Variants in KLF4 observed in about 807,000 individuals in gnomAD.
KLF4 encodes Krueppel-like factor 4.
In KLF4, 14 loss-of-function variants were observed where a neutral mutation model predicts 38.0. That is an observed-to-expected ratio of 0.37 (90% confidence interval 0.24 to 0.58). KLF4 has a LOEUF of 0.58. Among genes scored for constraint, KLF4 ranks in the 20% least tolerant of loss-of-function variants. KLF4 has a pLI of 0.76. For synonymous variants in KLF4, 398 were observed against 302.5 expected (o/e 1.32, Z -3.28); for missense variants, 737 against 670.1 (o/e 1.10, Z -1.10).
rs767728242 is a variant in KLF4, at chr9:107,487,350, G to A, written c.1044C>T (p.Tyr348=). Residue 348 remains tyrosine, a synonymous_variant, in exon 3 of 5, where the codon TAC becomes TAT. Coordinates refer to ENST00000374672, the MANE Select transcript of KLF4 (RefSeq NM_004235.6). The surrounding 1 kb of genome is among the most constrained non-coding windows in gnomAD (Gnocchi z 6.1). ...GCATCTGATCGGGCAGGAAGGATGG[G>A]TAATTGGGCCCCGGGTGGGGATGGA... ...PGFHPHPGPN[Y]PSFLPDQMQP... The A allele has an allele frequency of 4.5e-6, 7 of 1,550,198 alleles. No homozygotes were observed. In the South Asian group the frequency reaches 7.5e-5, roughly 17 times the overall value.
rs2133191325 is a variant in KLF4, at chr9:107,489,594, T to G, written c.-422A>C. 1 of 173,582 alleles carries G rather than the reference T, an allele frequency of 5.8e-6. No individual in the cohort carries two copies. Among genetic ancestry groups the G allele is most frequent in the Non-Finnish European group, 1.1e-5 (1 of 93,562 alleles). The allele number at this position is 173,582 out of a possible 1,614,324, so 10.8% of individuals were successfully genotyped here. A position where few individuals can be genotyped will look rare whatever the true frequency, so the allele number is the denominator to read the frequency against. ...CGGCGGCGCAAGGCGCGGACTCCGG[T>G]GAGTTGTGTGGAGCGCGCGCGGCCA... is the stretch of plus-strand genomic sequence containing the variant. On this transcript the variant is annotated 5_prime_UTR_variant, in exon 1 of 5. Coordinates refer to ENST00000374672, the MANE Select transcript of KLF4 (RefSeq NM_004235.6).
rs1216928364 is a variant in KLF4, at chr9:107,488,741, G to T, written c.126+189C>A. Among the ~76,000 whole-genome samples the T allele has an allele frequency of 6.6e-6, 1 of 152,218 alleles. No individual in the cohort carries two copies. The highest frequency in any genetic ancestry group is 1.5e-5 in the Non-Finnish European group (1 of 68,036). Reference sequence around the variant, plus strand: ...GGCTTGCGCCCCAGGCGGCTCCGCAGTGCTCGCACCACGGGCATACACAGC... The same window carrying T: ...GGCTTGCGCCCCAGGCGGCTCCGCATTGCTCGCACCACGGGCATACACAGC... On this transcript the variant is annotated intron_variant, in intron 2 of 4. Transcript: ENST00000374672. This position sits in a 1 kb window ranked among gnomAD's most constrained non-coding sequence, Gnocchi z 5.7.
At position 107,488,920 on chromosome 9, in the gene KLF4, C is replaced by G; in HGVS notation, c.126+10G>C. ...ACCGGGCGTTCCCGGCGGCCCGGAG[C>G]GATACTCACGTTATTCGGGGCACCT... On this transcript the variant is annotated intron_variant, in intron 2 of 4. Transcript: ENST00000374672. This position sits in a 1 kb window ranked among gnomAD's most constrained non-coding sequence, Gnocchi z 5.7. The G allele has an allele frequency of 6.4e-7, 1 of 1,550,838 alleles. No homozygotes were observed. Among genetic ancestry groups the G allele is most frequent in the Non-Finnish European group, 8.7e-7 (1 of 1,146,664 alleles).
chr9:107,489,493 G>A lies in KLF4; in HGVS notation c.-321C>T. 2.9e-6 allele frequency: 1 copy of A among 342,882 alleles called. No individual in the cohort carries two copies. The highest frequency in any genetic ancestry group is 5.2e-6 in the Non-Finnish European group (1 of 190,964). The allele number at this position is 342,882 out of a possible 1,614,324, so 21.2% of individuals were successfully genotyped here. On this transcript the variant is annotated 5_prime_UTR_variant, in exon 1 of 5. Coordinates refer to ENST00000374672, the MANE Select transcript of KLF4 (RefSeq NM_004235.6). Reference sequence around the variant, plus strand: ...GCCTCGAGTGCTGCCGTGGGCGCAGGGGCTGTGGCCGGGGCGGTGGGCGGG... The same window carrying A: ...GCCTCGAGTGCTGCCGTGGGCGCAGAGGCTGTGGCCGGGGCGGTGGGCGGG...
chr9:107,489,164 C>G lies in KLF4; in HGVS notation c.5+4G>C, dbSNP rs929825033. 2 of 1,528,048 alleles carry G rather than the reference C, an allele frequency of 1.3e-6. No individual in the cohort carries two copies. Among genetic ancestry groups the G allele is most frequent in the African/African-American group, 1.4e-5 (1 of 72,620 alleles). The allele number at this position is 1,528,048 out of a possible 1,614,324, so 94.7% of individuals were successfully genotyped here. ...CTGCTCCCAGCGCCGCGCGCCTCAC[C>G]TACCTCATTAATGTGGGGGCCCAGA... On this transcript the variant is annotated splice_donor_region_variant and intron_variant, in intron 1 of 4. Coordinates refer to ENST00000374672, the MANE Select transcript of KLF4 (RefSeq NM_004235.6).
Position 107,489,160 on chromosome 9 carries a change from T to A in KLF4, c.5+8A>T. The stretch of plus-strand genomic sequence containing the variant: ...CTCCCTGCTCCCAGCGCCGCGCGCC[T>A]CACCTACCTCATTAATGTGGGGGCC... On this transcript the variant is annotated splice_region_variant and intron_variant, in intron 1 of 4. Transcript: ENST00000374672. 6.5e-7 allele frequency: 1 copy of A among 1,527,150 alleles called. No individual in the cohort carries two copies. The highest frequency in any genetic ancestry group is 8.8e-7 in the Non-Finnish European group (1 of 1,133,864). The allele number at this position is 1,527,150 out of a possible 1,614,324, so 94.6% of individuals were successfully genotyped here.
chr9:107,487,390 G>A lies in KLF4; in HGVS notation c.1004C>T (p.Pro335Leu), dbSNP rs959152350. 2.0e-6 allele frequency: 3 copies of A among 1,530,122 alleles called. No homozygotes were observed. Among genetic ancestry groups the A allele is most frequent in the South Asian group, 1.3e-5 (1 of 77,272 alleles). The allele number at this position is 1,530,122 out of a possible 1,614,324, so 94.8% of individuals were successfully genotyped here. A position where few individuals can be genotyped will look rare whatever the true frequency, so the allele number is the denominator to read the frequency against. ...LSSRDCHPAL[P>L]LPPGFHPHPG... ...GTGGGGATGGAAGCCGGGAGGAAGC[G>A]GCAGGGCAGGGTGACAGTCCCTGCT... Residue 335 changes from proline to leucine, a missense_variant, in exon 3 of 5, where the codon CCG becomes CTG. Around this residue, in one of 2 missense-constraint regions of KLF4, gnomAD observed 695 missense variants for 554.5 expected, o/e 1.25. Coordinates refer to ENST00000374672, the MANE Select transcript of KLF4 (RefSeq NM_004235.6). The surrounding 1 kb of genome is among the most constrained non-coding windows in gnomAD (Gnocchi z 6.1).
At position 107,488,520 on chromosome 9, in the gene KLF4, T is replaced by G. The variant is rs1587922701; in HGVS notation, c.127-253A>C. 1 of 574,946 alleles carries G rather than the reference T, an allele frequency of 1.7e-6. No individual in the cohort carries two copies. Among genetic ancestry groups the G allele is most frequent in the Non-Finnish European group, 2.9e-6 (1 of 345,898 alleles). 35.6% of individuals were successfully genotyped at this position (574,946 alleles called of 1,614,324 possible). A position where few individuals can be genotyped will look rare whatever the true frequency, so the allele number is the denominator to read the frequency against. On this transcript the variant is annotated intron_variant, in intron 2 of 4. Coordinates refer to ENST00000374672, the MANE Select transcript of KLF4 (RefSeq NM_004235.6). This position sits in a 1 kb window ranked among gnomAD's most constrained non-coding sequence, Gnocchi z 5.7. ...GCGTGTGAGCGAGCGCCGCGGCTGG[T>G]CCCTCCCCCTCCAGGTCCCGTGGAC... is the stretch of plus-strand genomic sequence containing the variant.
intron 1 of KLF4, 24 bp downstream of exon 1, chr9:107,489,144 C>A: frequency 6.5e-7 from 1 of 1,534,990 alleles, no homozygotes; most frequent in Non-Finnish European, 8.8e-7. Flanking sequence ...CCTCCCTGCT[C>A]CCAGCGCCGC....
In KLF4 at chr9:107,488,998, A is replaced by C. The variant is rs1740766595; in HGVS notation, c.58T>G (p.Phe20Val). ...GCCGGGCCAGACGCGAACGTGGAGAAAGATGGGAGCAGCGCGTCGCTGACA... is the reference window on the plus strand; with the variant it reads ...GCCGGGCCAGACGCGAACGTGGAGACAGATGGGAGCAGCGCGTCGCTGACA... ...MAVSDALLPS[F>V]STFASGPAGR... Residue 20 changes from phenylalanine to valine, a missense_variant, in exon 2 of 5, where the codon TTC (phenylalanine) becomes GTC (valine). Physicochemically the swap from Phe to Val is conservative, Grantham distance 50. Coordinates refer to ENST00000374672, the MANE Select transcript of KLF4 (RefSeq NM_004235.6). This position sits in a 1 kb window ranked among gnomAD's most constrained non-coding sequence, Gnocchi z 5.7. The C allele has an allele frequency of 6.4e-7, 1 of 1,567,722 alleles. No individual in the cohort carries two copies.
chr9:107,487,669 T>C lies in KLF4; in HGVS notation c.725A>G (p.Tyr242Cys), dbSNP rs2133188517. 6.3e-7 allele frequency: 1 copy of C among 1,592,268 alleles called. No individual in the cohort carries two copies. The highest frequency in any genetic ancestry group is 8.6e-7 in the Non-Finnish European group (1 of 1,167,108). Reference protein sequence around the residue: ...KASLSAPGSEYGSPSVISVSK... With the variant: ...KASLSAPGSECGSPSVISVSK... ...GACGCTGATGACCGACGGGCTGCCG[T>C]ACTCGCTGCCAGGGGCGCTCAGCGA... Residue 242 changes from tyrosine (Y) to cysteine (C), a missense_variant, in exon 3 of 5, where the codon TAC becomes TGC. Physicochemically the swap from Tyr to Cys is radical, Grantham distance 194 (BLOSUM62 -2). Transcript: ENST00000374672. This position sits in a 1 kb window ranked among gnomAD's most constrained non-coding sequence, Gnocchi z 6.1.
In KLF4 at chr9:107,487,520, G is replaced by A. The variant is rs1337270879; in HGVS notation, c.874C>T (p.Pro292Ser). ...GGCCGGTGGCCATTGCTGAGAGGGG[G>A]TCCAGCGCCCAAGTGGGTGCACGAA... ...VSSCTHLGAG[P>S]PLSNGHRPAA... The change falls in exon 3 of 5, where the codon CCC becomes TCC. Residue 292 changes from proline to serine, a missense_variant. By Grantham distance (74) the Pro-to-Ser change is moderately conservative. Coordinates refer to ENST00000374672, the MANE Select transcript of KLF4 (RefSeq NM_004235.6). The surrounding 1 kb of genome is among the most constrained non-coding windows in gnomAD (Gnocchi z 6.1). 5.8e-6 allele frequency: 9 copies of A among 1,550,022 alleles called. No homozygotes were observed. Among genetic ancestry groups the A allele is most frequent in the Non-Finnish European group, 6.1e-6 (7 of 1,149,358 alleles).
rs1334486956 is a variant in KLF4, at chr9:107,489,412, G to T, written c.-240C>A. The stretch of plus-strand genomic sequence containing the variant: ...ATCAGCAAGGCGAGTAAGTAGGTCC[G>T]GTGGCCGGGCTGCGCTCTCTTCCAC... On this transcript the variant is annotated 5_prime_UTR_variant, in exon 1 of 5. Transcript: ENST00000374672. The T allele has an allele frequency of 1.5e-5, 7 of 481,032 alleles. No homozygotes were observed. The highest frequency in any genetic ancestry group is 2.5e-5 in the Non-Finnish European group (7 of 281,940). The allele number at this position is 481,032 out of a possible 1,614,324, so 29.8% of individuals were successfully genotyped here.
rs1219923638 is a variant in KLF4 at position 107,488,165 on chromosome 9, C to G, written c.229G>C (p.Gly77Arg). 4 of 1,612,696 alleles carry G rather than the reference C, an allele frequency of 2.5e-6. No homozygotes were observed. Among genetic ancestry groups the G allele is most frequent in the South Asian group, 1.1e-5 (1 of 91,080 alleles). The change falls in exon 3 of 5, where the codon GGC becomes CGC. Residue 77 changes from glycine to arginine, a missense_variant. Physicochemically the swap from Gly to Arg is moderately radical, Grantham distance 125. Coordinates refer to ENST00000374672, the MANE Select transcript of KLF4 (RefSeq NM_004235.6). This position sits in a 1 kb window ranked among gnomAD's most constrained non-coding sequence, Gnocchi z 5.7. ...AATVATDLES[G>R]GAGAACGGSN... ...CCGCCGCAAGCCGCACCGGCTCCGC[C>G]GCTCTCCAGGTCTGTGGCCACGGTC... is the stretch of plus-strand genomic sequence containing the variant.
Position 107,489,691 on chromosome 9 carries a change from G to C in KLF4, c.-519C>G, listed in dbSNP as rs1288927304. The C allele has an allele frequency of 4.8e-6, 1 of 209,214 alleles. No individual in the cohort carries two copies. Among genetic ancestry groups the C allele is most frequent in the Non-Finnish European group, 9.7e-6 (1 of 102,830 alleles). The allele number at this position is 209,214 out of a possible 1,614,324, so 13.0% of individuals were successfully genotyped here. ...GGGGGAGGGTCACTCGGCGGCTCCC[G>C]GTGCCGCCGCCGCCCGCCACCGCCT... On this transcript the variant is annotated 5_prime_UTR_variant, in exon 1 of 5. Transcript: ENST00000374672.
At position 107,488,856 on chromosome 9, in the gene KLF4, C is replaced by A. The variant is rs1428980525; in HGVS notation, c.126+74G>T. 3 of 1,513,536 alleles carry A rather than the reference C, an allele frequency of 2.0e-6. No homozygotes were observed. The highest frequency in any genetic ancestry group is 2.7e-6 in the Non-Finnish European group (3 of 1,124,178). The allele number at this position is 1,513,536 out of a possible 1,614,324, so 93.8% of individuals were successfully genotyped here. On this transcript the variant is annotated intron_variant, in intron 2 of 4. Coordinates refer to ENST00000374672, the MANE Select transcript of KLF4 (RefSeq NM_004235.6). This position sits in a 1 kb window ranked among gnomAD's most constrained non-coding sequence, Gnocchi z 5.7. ...CCTCGTTCAGTGGCTCTTGGTGACC[C>A]CAAGGCTCCGCCCGCCCCCACCACA...
Position 107,488,697 on chromosome 9 carries a change from C to T in KLF4, c.126+233G>A, listed in dbSNP as rs1465313622. On this transcript the variant is annotated intron_variant, in intron 2 of 4. Transcript: ENST00000374672. This position sits in a 1 kb window ranked among gnomAD's most constrained non-coding sequence, Gnocchi z 5.7. The stretch of plus-strand genomic sequence containing the variant: ...GCGCCCGCCCTACCGACAGCGCGCC[C>T]GGGGACTGGTGAAGACCCGGCTTGC... Among the ~76,000 whole-genome samples the T allele has an allele frequency of 1.3e-5, 2 of 152,282 alleles. No homozygotes were observed. The highest frequency in any genetic ancestry group is 2.4e-5 in the African/African-American group (1 of 41,566).
Position 107,489,046 on chromosome 9 carries a change from G to C in KLF4, c.10C>G (p.Pro4Ala). The C allele has an allele frequency of 6.4e-7, 1 of 1,555,172 alleles. No individual in the cohort carries two copies. Among genetic ancestry groups the C allele is most frequent in the Non-Finnish European group, 8.7e-7 (1 of 1,148,894 alleles). ...ACAGCCATGTCAGACTCGCCAGGTG[G>C]CTGCCTGCGAGCAAGGCAGGGAGCG... MRQ[P>A]PGESDMAVSD... The change falls in exon 2 of 5, where the codon CCA becomes GCA. Residue 4 changes from proline to alanine, a missense_variant. Pro to Ala is a conservative substitution (Grantham distance 27, BLOSUM62 -1). Transcript: ENST00000374672.
Position 107,487,308 on chromosome 9 carries a change from C to G in KLF4, c.1086G>C (p.Pro362=). 6.3e-7 allele frequency: 1 copy of G among 1,576,914 alleles called. No individual in the cohort carries two copies. The highest frequency in any genetic ancestry group is 8.6e-7 in the Non-Finnish European group (1 of 1,160,846). The stretch of plus-strand genomic sequence containing the variant: ...CCCGGGACTGACCTTGGTAATGGAG[C>G]GGCGGGACTTGCGGCTGCATCTGAT... ...LPDQMQPQVP[P]LHYQELMPPG... Residue 362 remains proline (P), a synonymous_variant, in exon 3 of 5, where the codon CCG becomes CCC. Transcript: ENST00000374672. The surrounding 1 kb of genome is among the most constrained non-coding windows in gnomAD (Gnocchi z 6.1).
Sources: allele counts gnomAD v4.1 joint callset (sites outside exome capture counted in the v4.1 genomes callset), GRCh38; gene constraint gnomAD v4.1.1; regional missense constraint gnomAD v4.1.1; non-coding constraint Gnocchi (gnomAD v3.1); transcripts MANE v1.5; gene names NCBI Gene and HGNC (gene_info 2026-07-23, HGNC 2026-07-21).